Variants in SPATA17 observed in about 807,000 individuals in gnomAD.
The protein encoded by SPATA17 is spermatogenesis-associated protein 17.
Under a neutral mutation model 62.2 loss-of-function variants are expected in SPATA17, and 53 were observed. The ratio of observed to expected loss-of-function variants is 0.85; its 90% CI spans 0.68 to 1.07. The LOEUF (loss-of-function observed/expected upper bound fraction) is 1.07, where lower values mean the gene tolerates loss of function less well. Ranked by LOEUF, SPATA17 falls within the 50% of genes least tolerant of loss-of-function variation. SPATA17 has a pLI of 0.00. For synonymous variants in SPATA17, 146 were observed against 146.8 expected, an observed-to-expected ratio of 0.99 and a Z score of 0.04; for missense variants, 466 against 425.5, an observed-to-expected ratio of 1.10 and a Z score of -0.84.
At chr1:217,712,622 T>A (rs2102927727) in intron 5 of SPATA17, among the ~76,000 whole-genome samples, 1 of 152,246 alleles carries the variant, frequency 6.6e-6, no homozygotes, top group East Asian at 1.9e-4. Context: ...CTTCCTACCC[T>A]CCTACTGACA....
intron 5 of SPATA17, among the ~76,000 whole-genome samples, chr1:217,704,590 C>T (rs1276015721): frequency 1.3e-5 from 2 of 152,100 alleles, no homozygotes. Flanking sequence ...TCTGTTGTTC[C>T]CTTCTTTGTG....
intron 5 of SPATA17, among the ~76,000 whole-genome samples, chr1:217,731,384 T>C (rs12145537): frequency 0.14 from 21,318 of 152,140 alleles, 1,577 homozygotes; most frequent in Non-Finnish European, 0.16. Context: ...AAGCTGAGCA[T>C]GTTTAGATAA....
intron 9 of SPATA17, among the ~76,000 whole-genome samples, chr1:217,825,998 T>C (rs977066512): frequency 7.9e-5 from 12 of 152,190 alleles, no homozygotes; most frequent in African/African-American, 2.9e-4. Context: ...GCTTTTGTTA[T>C]ATAGTAACTT....
At chr1:217,633,645 A>T (rs1669871397) in intron 1 of SPATA17, among the ~76,000 whole-genome samples, 2 of 152,244 alleles carry the variant, frequency 1.3e-5, no homozygotes, top group Non-Finnish European at 2.9e-5. Flanking sequence ...TGCAACAAGC[A>T]CCAAGATCCA....
intron 9 of SPATA17, among the ~76,000 whole-genome samples, chr1:217,822,620 G>T: frequency 6.8e-6 from 1 of 147,354 alleles, no homozygotes; most frequent in African/African-American, 2.5e-5. Context: ...GATATATAAT[G>T]ATATGATGTA....
chr1:217,849,223 G>A (rs758575520), intron 9 of SPATA17, among the ~76,000 whole-genome samples: 125 of 152,100 alleles, frequency 8.2e-4, no homozygotes, highest in Non-Finnish European at 1.5e-3. Context: ...ATAAGGCACA[G>A]AAATGTTAGT....
intron 1 of SPATA17, among the ~76,000 whole-genome samples, chr1:217,645,682 CTTCT>C (rs1170033536): frequency 6.6e-6 from 1 of 152,108 alleles, no homozygotes; most frequent in East Asian, 1.9e-4. Flanking sequence ...CACATTCTAT[CTTCT>C]TTGAGTTGCC....
At chr1:217,788,670 G>A (rs1353419625) in intron 8 of SPATA17, among the ~76,000 whole-genome samples, 1 of 152,098 alleles carries the variant, frequency 6.6e-6, no homozygotes, top group African/African-American at 2.4e-5. Flanking sequence ...GTCAAGGAAT[G>A]TAGGCTGCCT....
intron 9 of SPATA17, among the ~76,000 whole-genome samples, chr1:217,860,930 T>C (rs1324187628): frequency 6.6e-6 from 1 of 152,184 alleles, no homozygotes; most frequent in African/African-American, 2.4e-5. Flanking sequence ...TCTTCTCTAG[T>C]TTTAAACATT....
At chr1:217,824,465 T>C (rs1229236241) in intron 9 of SPATA17, among the ~76,000 whole-genome samples, 1 of 151,570 alleles carries the variant, frequency 6.6e-6, no homozygotes, top group East Asian at 1.9e-4. Flanking sequence ...GTTCTATTCT[T>C]CCAAAGTATT....
intron 6 of SPATA17, among the ~76,000 whole-genome samples, chr1:217,747,697 G>A (rs1198573593): frequency 2.0e-5 from 3 of 151,930 alleles, no homozygotes; most frequent in Non-Finnish European, 4.4e-5. Flanking sequence ...TACACATATT[G>A]AAATTAAAGC....
At position 217,691,101 on chromosome 1, in the gene SPATA17, C is replaced by T. The variant is rs1301003237; in HGVS notation, c.395+7740C>T. 6.2e-5 allele frequency among the ~76,000 whole-genome samples: 9 copies of T among 145,306 alleles called. 1 individual carries two copies. The highest frequency in any genetic ancestry group is 1.4e-4 in the Non-Finnish European group (9 of 65,702). On this transcript the variant is annotated intron_variant, in intron 5 of 10. Coordinates refer to ENST00000366933, the MANE Select transcript of SPATA17 (RefSeq NM_138796.4). The stretch of plus-strand genomic sequence containing the variant: ...CAATGGTTGAACTAGTTTACAGTCC[C>T]ACCAACAGTGTAAAAGTGTTCCTAT...
At chr1:217,836,726 G>A (rs12406420) in intron 9 of SPATA17, among the ~76,000 whole-genome samples, 102,496 of 151,860 alleles carry the variant, frequency 0.67, 35,480 homozygotes, top group Non-Finnish European at 0.75. Context: ...CAGCCTTCTC[G>A]GCTCCTCCCA....
chr1:217,696,168 G>C (rs1414633678), intron 5 of SPATA17, among the ~76,000 whole-genome samples: 1 of 152,104 alleles, frequency 6.6e-6, no homozygotes, highest in Non-Finnish European at 1.5e-5. Flanking sequence ...AGGACCCTCC[G>C]AGCCAGGTGT....
At chr1:217,697,999 C>G (rs1671499620) in intron 5 of SPATA17, among the ~76,000 whole-genome samples, 1 of 151,860 alleles carries the variant, frequency 6.6e-6, no homozygotes, top group Admixed American at 6.6e-5. Context: ...TTCAAATTAA[C>G]AAATTTGATT....
At chr1:217,791,465 G>C (rs775051232) in intron 8 of SPATA17, among the ~76,000 whole-genome samples, 7 of 152,032 alleles carry the variant, frequency 4.6e-5, no homozygotes, top group Non-Finnish European at 1.0e-4. Flanking sequence ...TATTACTTTG[G>C]CTGTATAGTG....
chr1:217,724,397 G>A (rs1672208250), intron 5 of SPATA17, among the ~76,000 whole-genome samples: 1 of 152,016 alleles, frequency 6.6e-6, no homozygotes, highest in African/African-American at 2.4e-5. Context: ...AGACCAGCTT[G>A]GCCAACATGG....
intron 6 of SPATA17, among the ~76,000 whole-genome samples, chr1:217,772,520 G>A (rs1233555211): frequency 2.0e-5 from 3 of 152,066 alleles, no homozygotes; most frequent in Non-Finnish European, 4.4e-5. Context: ...AAAGCAAATT[G>A]AAACTGTTCT....
intron 5 of SPATA17, 65 bp from the exon 6 acceptor site, chr1:217,741,910 A>T: frequency 6.3e-7 from 1 of 1,595,794 alleles, no homozygotes; most frequent in Non-Finnish European, 8.5e-7. Context: ...CTGATTTATC[A>T]TCAGTGAAAG....
Sources: allele counts gnomAD v4.1 joint callset (sites outside exome capture counted in the v4.1 genomes callset), GRCh38; gene constraint gnomAD v4.1.1; transcripts MANE v1.5; gene names NCBI Gene and HGNC (gene_info 2026-07-23, HGNC 2026-07-21).